AMBRA1: variants seen among roughly 807,000 people sequenced by gnomAD.
AMBRA1 encodes the protein activating molecule in BECN1-regulated autophagy protein 1.
A neutral mutation model predicts 125.4 loss-of-function variants in AMBRA1; 47 were observed. The observed-to-expected ratio is 0.37, with a 90% CI of 0.30 to 0.48. AMBRA1 has a LOEUF of 0.48. Ranked by LOEUF, AMBRA1 falls within the 20% of genes least tolerant of loss-of-function variation. The pLI, the probability that AMBRA1 is intolerant of heterozygous loss-of-function variation, is 0.99. For synonymous variants in AMBRA1, 626 were observed against 655.5 expected (o/e 0.95, Z 0.69); for missense variants, 1,331 against 1,693.4 (o/e 0.79, Z 3.76).
At chr11:46,526,232 T>TAAATA (rs540431998) in intron 7 of AMBRA1, among the ~76,000 whole-genome samples, 93 of 151,732 alleles carry the variant, frequency 6.1e-4, no homozygotes, top group African/African-American at 1.9e-3. Context: ...ACAATAATAA[T>TAAATA]AAATAAAATA....
intron 5 of AMBRA1, among the ~76,000 whole-genome samples, chr11:46,545,165 G>T (rs933299301): frequency 2.9e-5 from 4 of 140,320 alleles, no homozygotes; most frequent in Admixed American, 7.0e-5. Context: ...AAAAGCCGGG[G>T]GGGGGGGGGT....
At chr11:46,398,056 G>A in intron 17 of AMBRA1, 113 bp from the exon 18 acceptor site, 2 of 1,365,446 alleles carry the variant, frequency 1.5e-6, no homozygotes, top group Non-Finnish European at 1.9e-6. Context: ...GCAGGATAGA[G>A]AAAGACTCGC....
In AMBRA1 at chr11:46,488,841, C is replaced by T. The variant is rs142976657; in HGVS notation, c.2521+4767G>A. ...AAATATGGGAAAATTCAACAACACA[C>T]TCCCAAAAAAGTAATAGGTCAAAGA... is the stretch of plus-strand genomic sequence containing the variant. On this transcript the variant is annotated intron_variant, in intron 11 of 17. Transcript: ENST00000683756. 2.8e-3 allele frequency among the ~76,000 whole-genome samples: 422 copies of T among 152,314 alleles called. 3 individuals carry two copies. Among genetic ancestry groups the T allele is most frequent in the African/African-American group, 9.8e-3 (406 of 41,570 alleles).
intron 1 of AMBRA1, among the ~76,000 whole-genome samples, chr11:46,569,434 A>ATATATAT (rs1437827740): frequency 7.8e-6 from 1 of 129,016 alleles, no homozygotes; most frequent in Non-Finnish European, 1.6e-5. Flanking sequence ...AGATTAAAAA[A>ATATATAT]AAAAAAATAT....
Position 46,554,213 on chromosome 11 carries a change from A to C in AMBRA1, c.-120-5713T>G, listed in dbSNP as rs577714215. Among the ~76,000 whole-genome samples, 7 of 152,310 alleles carry C rather than the reference A, an allele frequency of 4.6e-5. No individual in the cohort carries two copies. The South Asian group carries it at 1.4e-3, about 32-fold the overall frequency. On this transcript the variant is annotated intron_variant, in intron 1 of 17. Transcript: ENST00000683756. ...TATAAAGGCACTTTCAAAGAAATACACTTAAACCATTTATAATCTTACAAG... is the reference window on the plus strand; with the variant it reads ...TATAAAGGCACTTTCAAAGAAATACCCTTAAACCATTTATAATCTTACAAG...
chr11:46,579,708 CATGTTTTGTT>C lies in AMBRA1; in HGVS notation c.-121+14110_-121+14119del, dbSNP rs2044104699. ...AGTATACTTCTTATGAGGAAACAGA[CATGTTTTGTT>C]TTGTTTTGTTTTGAGATGGATTCTT... On this transcript the variant is annotated intron_variant, in intron 1 of 17. Coordinates refer to ENST00000683756, the MANE Select transcript of AMBRA1 (RefSeq NM_001387011.1). 1.3e-5 allele frequency among the ~76,000 whole-genome samples: 2 copies of C among 151,996 alleles called. 1 individual carries two copies. Among genetic ancestry groups the C allele is most frequent in the South Asian group, 4.1e-4 (2 of 4,826 alleles).
At chr11:46,413,950 G>A (rs930202660) in intron 15 of AMBRA1, among the ~76,000 whole-genome samples, 1 of 152,126 alleles carries the variant, frequency 6.6e-6, no homozygotes, top group African/African-American at 2.4e-5. Context: ...CAAGGGAGGA[G>A]GAAGGCTAGG....
rs1384613272 is a variant in AMBRA1 at position 46,543,139 on chromosome 11, C to T, written c.878G>A (p.Arg293Gln). Residue 293 changes from arginine (R) to glutamine (Q), a missense_variant, in exon 7 of 18, where the codon CGG becomes CAG. Physicochemically the swap from Arg to Gln is conservative, Grantham distance 43. This residue lies in a region of AMBRA1 where 689 missense variants were observed against 776.5 expected (regional missense o/e 0.89). Transcript: ENST00000683756. ...GCACTCAGCTGTGGGGTAACTGACCCGCTGTCGGAGCCTGATGTAAGCGGA... is the reference window on the plus strand; with the variant it reads ...GCACTCAGCTGTGGGGTAACTGACCTGCTGTCGGAGCCTGATGTAAGCGGA... The part of the protein sequence containing the change: ...RTSAYIRLRQ[R>Q]VSYPTAECCQ... 4.5e-6 allele frequency: 7 copies of T among 1,565,376 alleles called. No homozygotes were observed. The highest frequency in any genetic ancestry group is 5.2e-6 in the Non-Finnish European group (6 of 1,160,126).
Position 46,405,305 on chromosome 11 carries a change from A to T in AMBRA1, c.3403+3208T>A, listed in dbSNP as rs368559941. ...ATCACACTAAAACAATTATCAGTTT[A>T]GGTGCCCATCTCCCTCTCTAGACTG... On this transcript the variant is annotated intron_variant, in intron 17 of 17. Transcript: ENST00000683756. Among the ~76,000 whole-genome samples, 8 of 152,338 alleles carry T rather than the reference A, an allele frequency of 5.3e-5. No homozygotes were observed. In the South Asian group the frequency reaches 1.4e-3, roughly 28 times the overall value.
chr11:46,579,611 C>A lies in AMBRA1; in HGVS notation c.-121+14217G>T, dbSNP rs540945378. Reference sequence around the variant, plus strand: ...CTTAATACAACATCCTGGCAAGATACCAAGCTAAGCAGCCAAGAATACAAA... The same window carrying A: ...CTTAATACAACATCCTGGCAAGATAACAAGCTAAGCAGCCAAGAATACAAA... On this transcript the variant is annotated intron_variant, in intron 1 of 17. Transcript: ENST00000683756. 1.1e-3 allele frequency among the ~76,000 whole-genome samples: 169 copies of A among 152,308 alleles called. 1 individual carries two copies. The South Asian group carries it at 0.017, about 15-fold the overall frequency.
chr11:46,460,353 G>A (rs1311935200), intron 11 of AMBRA1, among the ~76,000 whole-genome samples: 1 of 145,412 alleles, frequency 6.9e-6, no homozygotes, highest in Admixed American at 7.0e-5. Context: ...ACGGAGTCTC[G>A]CTCTGTTGCC....
intron 1 of AMBRA1, among the ~76,000 whole-genome samples, chr11:46,585,213 C>G (rs994010470): frequency 1.3e-5 from 2 of 152,056 alleles, no homozygotes; most frequent in African/African-American, 4.8e-5. Flanking sequence ...ACAAACACTG[C>G]GGAAGGCCGC....
chr11:46,474,823 T>G (rs1243430269), intron 11 of AMBRA1, among the ~76,000 whole-genome samples: 3 of 152,110 alleles, frequency 2.0e-5, no homozygotes, highest in African/African-American at 7.2e-5. Context: ...AATACAGTAC[T>G]GGTTCACTGA....
chr11:46,513,750 T>G (rs1217031638), intron 7 of AMBRA1, among the ~76,000 whole-genome samples: 1 of 152,174 alleles, frequency 6.6e-6, no homozygotes. Flanking sequence ...CTGTGGCCCA[T>G]CATTTAGCTC....
At chr11:46,547,438 T>A in intron 3 of AMBRA1, 142 bp from the exon 4 acceptor site, 1 of 716,460 alleles carries the variant, frequency 1.4e-6, no homozygotes, top group Non-Finnish European at 2.2e-6. Flanking sequence ...AGGCAGTATA[T>A]CTACAAACAG....
intron 11 of AMBRA1, among the ~76,000 whole-genome samples, chr11:46,488,082 A>G (rs975626497): frequency 3.9e-5 from 6 of 152,256 alleles, no homozygotes; most frequent in African/African-American, 1.4e-4. Flanking sequence ...ATGGTAAAAT[A>G]GTTAATTCAT....
intron 1 of AMBRA1, among the ~76,000 whole-genome samples, chr11:46,569,440 AATATAT>A (rs1243484151): frequency 6.9e-5 from 9 of 131,368 alleles, no homozygotes; most frequent in East Asian, 4.2e-4. Flanking sequence ...AAAAAAAAAA[AATATAT>A]ATATATATAT....
At chr11:46,519,862 G>C (rs1241048148) in intron 7 of AMBRA1, among the ~76,000 whole-genome samples, 1 of 152,120 alleles carries the variant, frequency 6.6e-6, no homozygotes, top group African/African-American at 2.4e-5. Context: ...AAATTATGAG[G>C]ATCCCGGTGG....
At chr11:46,479,889 A>C (rs140742657) in intron 11 of AMBRA1, among the ~76,000 whole-genome samples, 4 of 152,264 alleles carry the variant, frequency 2.6e-5, no homozygotes, top group African/African-American at 9.6e-5. Flanking sequence ...AGACAAATTT[A>C]TTATCTCTCA....
Sources: gnomAD v4.1 joint callset for allele counts (sites outside exome capture counted in the v4.1 genomes callset) on GRCh38, gnomAD v4.1.1 for gene constraint, gnomAD v4.1.1 regional missense constraint, MANE v1.5 for transcripts, NCBI Gene and HGNC (gene_info 2026-07-23, HGNC 2026-07-21) for gene names.